Variants in UGT3A2 observed in about 807,000 individuals in gnomAD.
UGT3A2 encodes UDP glycosyltransferase family 3 member A2, also known as UDP-glycosyltransferase 3A2.
UGT3A2 carries 32 observed loss-of-function variants against 39.8 expected under a neutral mutation model. The observed-to-expected ratio is 0.80, with a 90% CI of 0.61 to 1.08. UGT3A2 has a LOEUF of 1.08. Among genes scored for constraint, UGT3A2 ranks in the 50% least tolerant of loss-of-function variants. The pLI is 0.00. For missense variants in UGT3A2, 611 were observed against 637.1 expected (o/e 0.96, Z 0.44); for synonymous variants, 241 against 230.7 (o/e 1.04, Z -0.40).
chr5:36,040,933 G>A (rs1231493322), intron 4 of UGT3A2, among the ~76,000 whole-genome samples: 1 of 152,098 alleles, frequency 6.6e-6, no homozygotes, highest in Non-Finnish European at 1.5e-5. Context: ...AAAAGTCTTT[G>A]TCTTGCAATG....
intron 2 of UGT3A2, among the ~76,000 whole-genome samples, chr5:36,060,591 C>G (rs933741795): frequency 4.6e-5 from 7 of 152,262 alleles, no homozygotes; most frequent in Middle Eastern, 3.4e-3. Context: ...AAGCGGGGAG[C>G]TCTTTTCTTC....
chr5:36,045,973 T>A (rs531942183), intron 4 of UGT3A2, among the ~76,000 whole-genome samples: 7 of 152,136 alleles, frequency 4.6e-5, no homozygotes, highest in Non-Finnish European at 8.8e-5. Context: ...AAGATCTGAA[T>A]GGACATTTTT....
At chr5:36,063,349 T>G (rs1742771852) in intron 2 of UGT3A2, among the ~76,000 whole-genome samples, 1 of 152,124 alleles carries the variant, frequency 6.6e-6, no homozygotes. Context: ...TCAACAGAAG[T>G]GTTGATAAGA....
Position 36,066,746 on chromosome 5 carries a change from G to A in UGT3A2, c.44C>T (p.Pro15Leu). Residue 15 changes from proline (P) to leucine (L), a missense_variant, in exon 1 of 7, where the codon CCT (proline) becomes CTT (leucine). By Grantham distance (98) the Pro-to-Leu change is moderately conservative. Coordinates refer to ENST00000282507, the MANE Select transcript of UGT3A2 (RefSeq NM_174914.4). ...RVLLLVGFLL[P>L]GVLLSEAAKI... The stretch of plus-strand genomic sequence containing the variant: ...GGCAGCCTCTGAGAGCAGGACCCCA[G>A]GGAGAAGGAAGCCCACTAGAAGAAG... 1 of 1,614,200 alleles carries A rather than the reference G, an allele frequency of 6.2e-7. No homozygotes were observed. The highest frequency in any genetic ancestry group is 8.5e-7 in the Non-Finnish European group (1 of 1,180,032).
At position 36,039,789 on chromosome 5, in the gene UGT3A2, T is replaced by C. The variant is rs978955836; in HGVS notation, c.844-81A>G. On this transcript the variant is annotated intron_variant, in intron 4 of 6. Transcript: ENST00000282507. ...TGACCAGAAAATGAAAGCCAGAGTA[T>C]TTACTAACACAGTGCCCTGTCCTCA... 9.5e-6 allele frequency: 11 copies of C among 1,163,608 alleles called. No homozygotes were observed. The African/African-American group carries it at 1.7e-4, about 18-fold the overall frequency. 72.1% of individuals were successfully genotyped at this position (1,163,608 alleles called of 1,614,324 possible). A position where few individuals can be genotyped will look rare whatever the true frequency, so the allele number is the denominator to read the frequency against.
intron 6 of UGT3A2, among the ~76,000 whole-genome samples, chr5:36,036,425 A>G (rs1741833324): frequency 6.6e-6 from 1 of 152,202 alleles, no homozygotes; most frequent in Non-Finnish European, 1.5e-5. Context: ...GCATATTTGT[A>G]CCACATAATT....
chr5:36,055,179 G>T (rs1742468128), intron 2 of UGT3A2, among the ~76,000 whole-genome samples: 1 of 151,714 alleles, frequency 6.6e-6, no homozygotes, highest in South Asian at 2.1e-4. Flanking sequence ...GACCCTCGTG[G>T]GTATGTCATA....
At chr5:36,051,291 A>G (rs1020555145) in intron 3 of UGT3A2, among the ~76,000 whole-genome samples, 5 of 152,214 alleles carry the variant, frequency 3.3e-5, no homozygotes, top group Admixed American at 6.5e-5. Context: ...GTTCCTTCCC[A>G]TCGAGATTAA....
intron 2 of UGT3A2, among the ~76,000 whole-genome samples, chr5:36,060,044 A>G (rs1315244208): frequency 6.6e-6 from 1 of 152,126 alleles, no homozygotes; most frequent in Admixed American, 6.5e-5. Flanking sequence ...ACTCACATCA[A>G]CCCCCATGAC....
At chr5:36,050,550 G>T (rs1742309662) in intron 3 of UGT3A2, among the ~76,000 whole-genome samples, 1 of 152,192 alleles carries the variant, frequency 6.6e-6, no homozygotes, top group African/African-American at 2.4e-5. Context: ...CAAAGGAAAA[G>T]TTGCCAAACG....
Position 36,037,934 on chromosome 5 carries a change from C to T in UGT3A2, c.1158G>A (p.Val386=). Residue 386 remains valine (V), a synonymous_variant, in exon 6 of 7, where the codon GTG becomes GTA. Transcript: ENST00000282507. ...MEAIQHGVPM[V]GIPLFGDQPE... is the part of the protein sequence containing the mutation. ...GCTGGTCTCCAAAGAGAGGGATCCC[C>T]ACCATGGGCACACCATGCTGGATGG... 2 of 1,614,174 alleles carry T rather than the reference C, an allele frequency of 1.2e-6. No homozygotes were observed. Among genetic ancestry groups the T allele is most frequent in the South Asian group, 1.1e-5 (1 of 91,076 alleles).
At chr5:36,038,585 T>C (rs926880794) in intron 5 of UGT3A2, among the ~76,000 whole-genome samples, 9 of 152,248 alleles carry the variant, frequency 5.9e-5, no homozygotes, top group African/African-American at 1.9e-4. Context: ...AGTTCCTGTC[T>C]TTCCATGCCA....
intron 4 of UGT3A2, 135 bp from the exon 5 acceptor site, chr5:36,039,843 A>T: frequency 2.9e-6 from 2 of 682,702 alleles, no homozygotes; most frequent in Non-Finnish European, 5.0e-6. Context: ...TATAGCTCCT[A>T]GTATAGCTCG....
At position 36,064,302 on chromosome 5, in the gene UGT3A2, T is replaced by C. The variant is rs751097119; in HGVS notation, c.143A>G (p.Asp48Gly). 5.6e-6 allele frequency: 9 copies of C among 1,614,180 alleles called. No homozygotes were observed. The Admixed American group carries it at 1.5e-4, about 27-fold the overall frequency. ...AAGCATGGTGACATTATGACCGTGA[T>C]CTTGAAGAATCTGAGAAACCCGGTC... ...LMDRVSQILQ[D>G]HGHNVTMLNH... is the part of the protein sequence containing the mutation. Residue 48 changes from aspartate (D) to glycine (G), a missense_variant, in exon 2 of 7, where the codon GAT becomes GGT. Physicochemically the swap from Asp to Gly is moderately conservative, Grantham distance 94 (BLOSUM62 -1). Coordinates refer to ENST00000282507, the MANE Select transcript of UGT3A2 (RefSeq NM_174914.4).
chr5:36,060,118 A>T (rs191293664), intron 2 of UGT3A2, among the ~76,000 whole-genome samples: 12 of 152,368 alleles, frequency 7.9e-5, no homozygotes, highest in African/African-American at 2.4e-4. Context: ...AGGGTCAGGC[A>T]AAGACCCCTG....
At chr5:36,042,280 T>G (rs1053536943) in intron 4 of UGT3A2, among the ~76,000 whole-genome samples, 2 of 152,158 alleles carry the variant, frequency 1.3e-5, no homozygotes, top group African/African-American at 4.8e-5. Flanking sequence ...CTTAATTGTT[T>G]GTTTCTTTTT....
At chr5:36,064,108 T>C (rs1742802342) in intron 2 of UGT3A2, 141 bp downstream of exon 2, 1 of 756,642 alleles carries the variant, frequency 1.3e-6, no homozygotes, top group Non-Finnish European at 2.1e-6. Flanking sequence ...TTTTTGGCAC[T>C]TTACATACAC....
At chr5:36,065,240 G>A (rs1451235613) in intron 1 of UGT3A2, among the ~76,000 whole-genome samples, 3 of 152,158 alleles carry the variant, frequency 2.0e-5, no homozygotes, top group African/African-American at 7.2e-5. Flanking sequence ...TGCGGGGTGG[G>A]GGTGGAAGGG....
intron 5 of UGT3A2, among the ~76,000 whole-genome samples, 192 bp from the exon 6 acceptor site, chr5:36,038,208 G>A (rs1446872123): frequency 6.6e-6 from 1 of 152,178 alleles, no homozygotes; most frequent in Non-Finnish European, 1.5e-5. Flanking sequence ...GCTATCGTAT[G>A]GAAACATCTT....
Sources: allele counts gnomAD v4.1 joint callset (sites outside exome capture counted in the v4.1 genomes callset), GRCh38; gene constraint gnomAD v4.1.1; transcripts MANE v1.5; gene names NCBI Gene and HGNC (gene_info 2026-07-23, HGNC 2026-07-21).